BTNL9: variants seen among roughly 807,000 people sequenced by gnomAD.
BTNL9 encodes the protein butyrophilin like 9, also known as butyrophilin-like protein 9.
Under a neutral mutation model 45.8 loss-of-function variants are expected in BTNL9, and 45 were observed. The ratio of observed to expected loss-of-function variants is 0.98; its 90% CI spans 0.77 to 1.26. BTNL9 has a LOEUF of 1.26. Among genes scored for constraint, BTNL9 ranks in the 50% most tolerant of loss-of-function variants. The probability of loss-of-function intolerance (pLI) is 0.00; values close to 1 mark genes in which losing one functional copy is unlikely to be tolerated. For synonymous variants in BTNL9, 346 were observed against 330.8 expected (o/e 1.05, Z -0.50); for missense variants, 784 against 729.7 (o/e 1.07, Z -0.86).
intron 2 of BTNL9, among the ~76,000 whole-genome samples, chr5:181,046,671 A>AAG (rs569290896): frequency 6.6e-6 from 1 of 151,070 alleles, no homozygotes; most frequent in Admixed American, 6.6e-5. Flanking sequence ...GGCTGAGAGA[A>AAG]AGAGAGAGAG....
chr5:181,058,286 C>T (rs370950916), intron 9 of BTNL9, 66 bp from the exon 10 acceptor site: 100 of 1,577,722 alleles, frequency 6.3e-5, no homozygotes, highest in African/African-American at 5.3e-4. Flanking sequence ...CTGGAGACTT[C>T]GTTAAGGTTC....
rs758266751 is a variant in BTNL9 at position 181,053,864 on chromosome 5, C to G, written c.886+363C>G. ...TAGCGCACAGGGAGTCGGGCGGATGCGCAACATCTCCGCACAGGGTCAGGA... is the reference window on the plus strand; with the variant it reads ...TAGCGCACAGGGAGTCGGGCGGATGGGCAACATCTCCGCACAGGGTCAGGA... On this transcript the variant is annotated intron_variant, in intron 6 of 10. Coordinates refer to ENST00000327705, the MANE Select transcript of BTNL9 (RefSeq NM_152547.5). The surrounding 1 kb of genome is among the most constrained non-coding windows in gnomAD (Gnocchi z 6.5). 28 of 1,505,316 alleles carry G rather than the reference C, an allele frequency of 1.9e-5. No individual in the cohort carries two copies. Among genetic ancestry groups the G allele is most frequent in the Non-Finnish European group, 2.4e-5 (27 of 1,127,424 alleles). 93.2% of individuals were successfully genotyped at this position (1,505,316 alleles called of 1,614,324 possible).
intron 10 of BTNL9, 145 bp from the exon 11 acceptor site, chr5:181,059,092 G>GA: frequency 7.6e-7 from 1 of 1,322,182 alleles, no homozygotes; most frequent in South Asian, 1.6e-5. Flanking sequence ...CCTGGGGAGG[G>GA]GGTTTGCAGG....
In BTNL9 at chr5:181,059,414, A is replaced by G; in HGVS notation, c.1160A>G (p.Glu387Gly). Residue 387 changes from glutamate (E) to glycine (G), a missense_variant, in exon 11 of 11, where the codon GAG becomes GGG. Glu to Gly is a moderately conservative substitution (Grantham distance 98). Coordinates refer to ENST00000327705, the MANE Select transcript of BTNL9 (RefSeq NM_152547.5). ...ERFSAGRHYW[E>G]VHVGRRSRWF... is the part of the protein sequence containing the mutation. Reference sequence around the variant, plus strand: ...TTCTCCGCCGGCCGCCACTACTGGGAGGTGCACGTGGGCCGCCGCAGCCGC... The same window carrying G: ...TTCTCCGCCGGCCGCCACTACTGGGGGGTGCACGTGGGCCGCCGCAGCCGC... 1 of 1,505,216 alleles carries G rather than the reference A, an allele frequency of 6.6e-7. No individual in the cohort carries two copies. Among genetic ancestry groups the G allele is most frequent in the South Asian group, 1.3e-5 (1 of 79,950 alleles). The allele number at this position is 1,505,216 out of a possible 1,614,324, so 93.2% of individuals were successfully genotyped here.
chr5:181,048,156 T>C lies in BTNL9; in HGVS notation c.339T>C (p.Tyr113=), dbSNP rs778527207. ...RTKLVKDDIA[Y]GSVVLQLHSI... ...AGTTGGTCAAGGACGACATCGCCTATGGCAGCGTGGTCCTGCAGCTTCACA... is the reference window on the plus strand; with the variant it reads ...AGTTGGTCAAGGACGACATCGCCTACGGCAGCGTGGTCCTGCAGCTTCACA... The change falls in exon 3 of 11, where the codon TAT becomes TAC. Residue 113 remains tyrosine, a synonymous_variant. Coordinates refer to ENST00000327705, the MANE Select transcript of BTNL9 (RefSeq NM_152547.5). 5.6e-6 allele frequency: 9 copies of C among 1,613,444 alleles called. No individual in the cohort carries two copies. The highest frequency in any genetic ancestry group is 5.0e-5 in the Admixed American group (3 of 59,998).
chr5:181,042,015 G>A lies in BTNL9; in HGVS notation c.-24+1583G>A, dbSNP rs966260055. Among the ~76,000 whole-genome samples the A allele has an allele frequency of 1.1e-4, 16 of 152,124 alleles. No homozygotes were observed. Among genetic ancestry groups the A allele is most frequent in the African/African-American group, 3.9e-4 (16 of 41,420 alleles). On this transcript the variant is annotated intron_variant, in intron 1 of 10. Coordinates refer to ENST00000327705, the MANE Select transcript of BTNL9 (RefSeq NM_152547.5). The surrounding 1 kb of genome is among the most constrained non-coding windows in gnomAD (Gnocchi z 4.5). ...TAAAGACAGACTCGACGGAGGGACC[G>A]GAAATCAGAAAAACATCAGGGTTGT...
intron 2 of BTNL9, among the ~76,000 whole-genome samples, chr5:181,046,396 C>T (rs116304124): frequency 0.011 from 1,707 of 151,648 alleles, 36 homozygotes; most frequent in African/African-American, 0.04. Flanking sequence ...GGGAGCAGAG[C>T]AAGACGGTGC....
chr5:181,056,096 G>GGTGA, intron 9 of BTNL9, 81 bp downstream of exon 9: 2 of 1,517,100 alleles, frequency 1.3e-6, no homozygotes, highest in Non-Finnish European at 1.8e-6. Context: ...TAACCAATCA[G>GGTGA]GCTTCATTCT....
At chr5:181,046,619 G>C (rs1761172886) in intron 2 of BTNL9, among the ~76,000 whole-genome samples, 1 of 152,124 alleles carries the variant, frequency 6.6e-6, no homozygotes, top group Non-Finnish European at 1.5e-5. Context: ...TCAAGGGAGG[G>C]GTGTGGATGT....
Position 181,055,866 on chromosome 5 carries a change from G to C in BTNL9, c.929-123G>C. 1 of 1,119,234 alleles carries C rather than the reference G, an allele frequency of 8.9e-7. No homozygotes were observed. 69.3% of individuals were successfully genotyped at this position (1,119,234 alleles called of 1,614,324 possible). ...CCAACCAGGTATGATGCCCAGGCAG[G>C]ACCCCTGCTGGCTATGTGGGTGGTG... is the stretch of plus-strand genomic sequence containing the variant. On this transcript the variant is annotated intron_variant, in intron 8 of 10. Coordinates refer to ENST00000327705, the MANE Select transcript of BTNL9 (RefSeq NM_152547.5). This position sits in a 1 kb window ranked among gnomAD's most constrained non-coding sequence, Gnocchi z 4.4.
At position 181,042,014 on chromosome 5, in the gene BTNL9, C is replaced by G. The variant is rs1341282073; in HGVS notation, c.-24+1582C>G. Among the ~76,000 whole-genome samples, 1 of 151,874 alleles carries G rather than the reference C, an allele frequency of 6.6e-6. No homozygotes were observed. Among genetic ancestry groups the G allele is most frequent in the Non-Finnish European group, 1.5e-5 (1 of 68,004 alleles). Reference sequence around the variant, plus strand: ...TTAAAGACAGACTCGACGGAGGGACCGGAAATCAGAAAAACATCAGGGTTG... The same window carrying G: ...TTAAAGACAGACTCGACGGAGGGACGGGAAATCAGAAAAACATCAGGGTTG... On this transcript the variant is annotated intron_variant, in intron 1 of 10. Coordinates refer to ENST00000327705, the MANE Select transcript of BTNL9 (RefSeq NM_152547.5). The surrounding 1 kb of genome is among the most constrained non-coding windows in gnomAD (Gnocchi z 4.5).
rs1292908289 is a variant in BTNL9, at chr5:181,042,649, G to C, written c.-24+2217G>C. 6.6e-6 allele frequency among the ~76,000 whole-genome samples: 1 copy of C among 152,132 alleles called. No individual in the cohort carries two copies. Reference sequence around the variant, plus strand: ...ATACCCTTGAGTGTTGGGAGCAAAGGGACCAGGTACCTGTTCCTCCTGGCT... The same window carrying C: ...ATACCCTTGAGTGTTGGGAGCAAAGCGACCAGGTACCTGTTCCTCCTGGCT... On this transcript the variant is annotated intron_variant, in intron 1 of 10. Coordinates refer to ENST00000327705, the MANE Select transcript of BTNL9 (RefSeq NM_152547.5). The surrounding 1 kb of genome is among the most constrained non-coding windows in gnomAD (Gnocchi z 4.5).
At position 181,060,176 on chromosome 5, in the gene BTNL9, A is replaced by G. The variant is rs545482939; in HGVS notation, c.*314A>G. On this transcript the variant is annotated 3_prime_UTR_variant, in exon 11 of 11. Transcript: ENST00000327705. ...CCAGCATGGAAGAAAGAAGGGAGAA[A>G]ACTTTGGTGACTGCCTTAGAGGGAT... The G allele has an allele frequency of 6.3e-5, 25 of 394,890 alleles. No individual in the cohort carries two copies. Among genetic ancestry groups the G allele is most frequent in the Admixed American group, 3.4e-4 (8 of 23,756 alleles). The allele number at this position is 394,890 out of a possible 1,614,324, so 24.5% of individuals were successfully genotyped here.
rs1367371957 is a variant in BTNL9 at position 181,047,839 on chromosome 5, T to C, written c.110-88T>C. ...CACCTTTCTTGTTTTTATGGTTTAC[T>C]GTAGATTCCTCAGCTATAAAGGGGT... On this transcript the variant is annotated intron_variant, in intron 2 of 10. Transcript: ENST00000327705. 2.6e-6 allele frequency: 3 copies of C among 1,145,402 alleles called. No individual in the cohort carries two copies. The African/African-American group carries it at 4.6e-5, about 18-fold the overall frequency. The allele number at this position is 1,145,402 out of a possible 1,614,324, so 71.0% of individuals were successfully genotyped here.
Position 181,060,073 on chromosome 5 carries a change from G to C in BTNL9, c.*211G>C, listed in dbSNP as rs1414377642. The C allele has an allele frequency of 3.4e-6, 2 of 591,070 alleles. No homozygotes were observed. Among genetic ancestry groups the C allele is most frequent in the Non-Finnish European group, 5.9e-6 (2 of 338,264 alleles). The allele number at this position is 591,070 out of a possible 1,614,324, so 36.6% of individuals were successfully genotyped here. A position where few individuals can be genotyped will look rare whatever the true frequency, so the allele number is the denominator to read the frequency against. On this transcript the variant is annotated 3_prime_UTR_variant, in exon 11 of 11. Coordinates refer to ENST00000327705, the MANE Select transcript of BTNL9 (RefSeq NM_152547.5). Reference sequence around the variant, plus strand: ...CAAGTCCAAAGCTCGTTTGTGGATTGTGGGACTGAGCGAAGGAGTACAAAT... The same window carrying C: ...CAAGTCCAAAGCTCGTTTGTGGATTCTGGGACTGAGCGAAGGAGTACAAAT...
chr5:181,053,138 G>C lies in BTNL9; in HGVS notation c.737-62G>C, dbSNP rs1761663661. The C allele has an allele frequency of 1.4e-6, 2 of 1,392,570 alleles. No individual in the cohort carries two copies. Among genetic ancestry groups the C allele is most frequent in the Non-Finnish European group, 2.0e-6 (2 of 1,023,824 alleles). 86.3% of individuals were successfully genotyped at this position (1,392,570 alleles called of 1,614,324 possible). Reference sequence around the variant, plus strand: ...TTTCCCGGCACGCGGCGGGCAGGCCGGTCTCGCCTCTCGGTGCTCAGCGGC... The same window carrying C: ...TTTCCCGGCACGCGGCGGGCAGGCCCGTCTCGCCTCTCGGTGCTCAGCGGC... On this transcript the variant is annotated intron_variant, in intron 4 of 10. Coordinates refer to ENST00000327705, the MANE Select transcript of BTNL9 (RefSeq NM_152547.5). This position sits in a 1 kb window ranked among gnomAD's most constrained non-coding sequence, Gnocchi z 6.5.
Position 181,045,540 on chromosome 5 carries a change from C to G in BTNL9, c.51C>G (p.Thr17=), listed in dbSNP as rs759193687. The G allele has an allele frequency of 2.5e-6, 4 of 1,612,696 alleles. No homozygotes were observed. In the African/African-American group the frequency reaches 5.4e-5, roughly 22 times the overall value. The change falls in exon 2 of 11, where the codon ACC becomes ACG. Residue 17 remains threonine, a synonymous_variant. Transcript: ENST00000327705. ...SPDSLKPVSL[T]SSLVFLMHLL... is the part of the protein sequence containing the mutation. ...ACTCCTTGAAGCCAGTATCGCTGAC[C>G]AGCAGTCTTGTCTTCCTCATGCACC...
At chr5:181,059,208 GC>G in intron 10 of BTNL9, 28 bp from the exon 11 acceptor site, 1 of 1,493,470 alleles carries the variant, frequency 6.7e-7, no homozygotes, top group Non-Finnish European at 8.9e-7. Context: ...ACCGTCCCGG[GC>G]GGGCACTAAC....
At chr5:181,047,329 G>T (rs897270861) in intron 2 of BTNL9, 1 of 179,524 alleles carries the variant, frequency 5.6e-6, no homozygotes, top group Non-Finnish European at 1.1e-5. Context: ...GGAAGGATTT[G>T]GTTGGCCTTT....
Sources: gnomAD v4.1 joint callset for allele counts (sites outside exome capture counted in the v4.1 genomes callset) on GRCh38, gnomAD v4.1.1 for gene constraint, Gnocchi (gnomAD v3.1) non-coding constraint, MANE v1.5 for transcripts, NCBI Gene and HGNC (gene_info 2026-07-23, HGNC 2026-07-21) for gene names.